The following NDE1 variants were observed in gnomAD, a reference collection of about 807,000 sequenced individuals.
NDE1 encodes nudE neurodevelopment protein 1.
A neutral mutation model predicts 43.4 loss-of-function variants in NDE1; 28 were observed. That is an observed-to-expected ratio of 0.65 (90% CI 0.48 to 0.89). NDE1 has a LOEUF of 0.89. NDE1 is among the 40% of genes least tolerant of loss of function. NDE1 has a pLI of 0.00. For synonymous variants in NDE1, 184 were observed against 172.0 expected, an observed-to-expected ratio of 1.07 and a Z score of -0.55; for missense variants, 441 against 434.1, an observed-to-expected ratio of 1.02 and a Z score of -0.14.
intron 8 of NDE1, 66 bp from the exon 9 acceptor site, chr16:15,724,125 C>T (rs765825536): frequency 1.2e-6 from 2 of 1,611,528 alleles, no homozygotes; most frequent in Non-Finnish European, 1.7e-6. Context: ...AACCCAGCGT[C>T]CATGGCCAGA....
In NDE1 at chr16:15,724,453, G is replaced by C. The variant is rs11130; in HGVS notation, c.*202G>C. 2 of 1,611,192 alleles carry C rather than the reference G, an allele frequency of 1.2e-6. No individual in the cohort carries two copies. Among genetic ancestry groups the C allele is most frequent in the South Asian group, 2.2e-5 (2 of 90,960 alleles). On this transcript the variant is annotated 3_prime_UTR_variant, in exon 9 of 9. Coordinates refer to ENST00000396354, the MANE Select transcript of NDE1 (RefSeq NM_017668.3). ...GGGTAGGGTGAGAGGGGGACCATGAGTGGCCCCTGTCCCTGGCCCCACAGA... is the reference window on the plus strand; with the variant it reads ...GGGTAGGGTGAGAGGGGGACCATGACTGGCCCCTGTCCCTGGCCCCACAGA...
In NDE1 at chr16:15,672,284, T is replaced by A. The variant is rs552739035; in HGVS notation, c.237+4845T>A. On this transcript the variant is annotated intron_variant, in intron 3 of 8. Transcript: ENST00000396354. ...CCCGTCTCTACTAAAAATAAAAAAA[T>A]TAGCTGGGCATGGTGGCGCACACCT... 2.2e-4 allele frequency among the ~76,000 whole-genome samples: 34 copies of A among 152,012 alleles called. No homozygotes were observed. The East Asian group carries it at 6.6e-3, about 30-fold the overall frequency.
chr16:15,675,104 G>A (rs2037799541), intron 3 of NDE1, among the ~76,000 whole-genome samples: 1 of 152,140 alleles, frequency 6.6e-6, no homozygotes, highest in South Asian at 2.1e-4. Context: ...AGGTTTGGGA[G>A]TGGGCAGGAT....
At chr16:15,699,346 G>T (rs1160666061) in intron 8 of NDE1, among the ~76,000 whole-genome samples, 1 of 141,246 alleles carries the variant, frequency 7.1e-6, no homozygotes, top group African/African-American at 2.6e-5. Flanking sequence ...TGCAACCTCC[G>T]CCTCCTGGGC....
At chr16:15,656,522 A>T (rs1197688580) in intron 1 of NDE1, among the ~76,000 whole-genome samples, 2 of 150,728 alleles carry the variant, frequency 1.3e-5, no homozygotes, top group African/African-American at 2.4e-5. Flanking sequence ...CTTTTCTTTT[A>T]TTATTATTAT....
At chr16:15,676,206 T>C (rs1408965008) in intron 3 of NDE1, among the ~76,000 whole-genome samples, 1 of 145,696 alleles carries the variant, frequency 6.9e-6, no homozygotes, top group Non-Finnish European at 1.5e-5. Context: ...TTCTTTTTCT[T>C]TCTTTCTTTG....
chr16:15,724,770 C>T lies in NDE1; in HGVS notation c.*519C>T, dbSNP rs2040664831. ...GGCGCAGCTTCGTAGACACGTTGAG[C>T]TTCTGCCGGGTTTCTTCTTGAAGCA... On this transcript the variant is annotated 3_prime_UTR_variant, in exon 9 of 9. Transcript: ENST00000396354. 1 of 1,613,970 alleles carries T rather than the reference C, an allele frequency of 6.2e-7. No homozygotes were observed. The highest frequency in any genetic ancestry group is 1.3e-5 in the African/African-American group (1 of 74,918).
chr16:15,724,358 G>A lies in NDE1; in HGVS notation c.*107G>A, dbSNP rs1469373877. 1.2e-6 allele frequency: 2 copies of A among 1,614,096 alleles called. No individual in the cohort carries two copies. Among genetic ancestry groups the A allele is most frequent in the Non-Finnish European group, 1.7e-6 (2 of 1,180,032 alleles). On this transcript the variant is annotated 3_prime_UTR_variant, in exon 9 of 9. Coordinates refer to ENST00000396354, the MANE Select transcript of NDE1 (RefSeq NM_017668.3). ...TGGAACCTCTTCTTCCCCTCTTCCA[G>A]AGCTTCCACGGTGCTGGCAAAGTCC...
chr16:15,713,102 AAG>A (rs1358889668), intron 8 of NDE1: 2 of 151,968 alleles, frequency 1.3e-5, no homozygotes, highest in East Asian at 3.9e-4. Flanking sequence ...ACATGGGGCT[AAG>A]AGGTTATTCC....
chr16:15,715,454 C>T (rs1182415349), intron 8 of NDE1, among the ~76,000 whole-genome samples: 1 of 152,122 alleles, frequency 6.6e-6, no homozygotes, highest in African/African-American at 2.4e-5. Flanking sequence ...CAATGCATGC[C>T]ACAGCATGGA....
At chr16:15,691,044 G>T (rs987731448) in intron 5 of NDE1, 100 bp from the exon 6 acceptor site, 1 of 1,440,390 alleles carries the variant, frequency 6.9e-7, no homozygotes, top group Non-Finnish European at 9.7e-7. Flanking sequence ...CTGACCTCAG[G>T]CGATCCACCT....
At position 15,725,947 on chromosome 16, in the gene NDE1, C is replaced by G; in HGVS notation, c.*1696C>G. The G allele has an allele frequency of 2.8e-6, 1 of 362,870 alleles. No individual in the cohort carries two copies. The highest frequency in any genetic ancestry group is 1.5e-4 in the South Asian group (1 of 6,692). The allele number at this position is 362,870 out of a possible 1,614,324, so 22.5% of individuals were successfully genotyped here. ...TACAAGCTCCCCCTCCAACCCCACTCTGTACTATCTCCCCCTACCCCCAAC... is the reference window on the plus strand; with the variant it reads ...TACAAGCTCCCCCTCCAACCCCACTGTGTACTATCTCCCCCTACCCCCAAC... On this transcript the variant is annotated 3_prime_UTR_variant, in exon 9 of 9. Transcript: ENST00000396354.
chr16:15,682,460 C>A (rs561745008), intron 4 of NDE1, among the ~76,000 whole-genome samples: 2 of 152,322 alleles, frequency 1.3e-5, no homozygotes, highest in African/African-American at 4.8e-5. Flanking sequence ...ACAAGAGTTT[C>A]TCAGCACCAT....
rs540461703 is a variant in NDE1, at chr16:15,718,276, CAGT to C, written c.948-5912_948-5910del. Reference sequence around the variant, plus strand: ...GTGCAGGATCCTGCTGCAGGAGAGACAGTAGGCAGCGTGACTGTGGTGTCCAGG... The same window carrying C: ...GTGCAGGATCCTGCTGCAGGAGAGACAGGCAGCGTGACTGTGGTGTCCAGG... On this transcript the variant is annotated intron_variant, in intron 8 of 8. Coordinates refer to ENST00000396354, the MANE Select transcript of NDE1 (RefSeq NM_017668.3). 7.0e-5 allele frequency: 112 copies of C among 1,605,690 alleles called. No individual in the cohort carries two copies. In the African/African-American group the frequency reaches 1.3e-3, roughly 18 times the overall value.
At chr16:15,678,194 G>C (rs966548481) in intron 4 of NDE1, among the ~76,000 whole-genome samples, 1 of 152,108 alleles carries the variant, frequency 6.6e-6, no homozygotes, top group Non-Finnish European at 1.5e-5. Context: ...GTATTAATTT[G>C]GCTGTTGGCC....
chr16:15,666,002 T>G (rs1381778189), intron 2 of NDE1, among the ~76,000 whole-genome samples: 2 of 152,088 alleles, frequency 1.3e-5, no homozygotes, highest in Non-Finnish European at 2.9e-5. Flanking sequence ...GTGATCCACT[T>G]GCCTCGGCTT....
chr16:15,720,404 G>C, intron 8 of NDE1: 1 of 1,497,250 alleles, frequency 6.7e-7, no homozygotes, highest in Non-Finnish European at 9.1e-7. Context: ...CCCTTCCCCA[G>C]CACAGCCCCC....
At chr16:15,704,860 T>C (rs187165325) in intron 8 of NDE1, among the ~76,000 whole-genome samples, 1 of 152,316 alleles carries the variant, frequency 6.6e-6, no homozygotes, top group East Asian at 1.9e-4. Flanking sequence ...TTTTATTAAA[T>C]TGAGATGAGG....
intron 8 of NDE1, chr16:15,718,151 C>G: frequency 9.2e-7 from 1 of 1,086,830 alleles, no homozygotes; most frequent in Non-Finnish European, 1.4e-6. Context: ...AGCCTGGGCA[C>G]TGGTGTAAGG....
Sources: gnomAD v4.1 joint callset for allele counts (sites outside exome capture counted in the v4.1 genomes callset) on GRCh38, gnomAD v4.1.1 for gene constraint, MANE v1.5 for transcripts, NCBI Gene and HGNC (gene_info 2026-07-23, HGNC 2026-07-21) for gene names.